The following MTUS2 variants were observed in gnomAD, a reference collection of about 807,000 sequenced individuals.
MTUS2 encodes the protein microtubule-associated tumor suppressor candidate 2.
Under a neutral mutation model 114.1 loss-of-function variants are expected in MTUS2, and 40 were observed. The observed-to-expected ratio is 0.35, with a 90% CI of 0.27 to 0.46. The LOEUF (loss-of-function observed/expected upper bound fraction) is 0.46. MTUS2 is among the 20% of genes least tolerant of loss of function. The pLI, the probability that MTUS2 is intolerant of heterozygous loss-of-function variation, is 1.00. For missense variants in MTUS2, 1,679 were observed against 1,705.4 expected (o/e 0.98, Z 0.27); for synonymous variants, 688 against 672.0 (o/e 1.02, Z -0.37).
intron 2 of MTUS2, among the ~76,000 whole-genome samples, chr13:28,889,138 C>A (rs1471942921): frequency 6.6e-6 from 1 of 152,032 alleles, no homozygotes; most frequent in Admixed American, 6.6e-5. Context: ...GTGACAGGTT[C>A]ATTGTTCATT....
At chr13:29,281,962 A>G in intron 6 of MTUS2, 97 bp downstream of exon 6, 1 of 1,304,360 alleles carries the variant, frequency 7.7e-7, no homozygotes, top group Non-Finnish European at 1.0e-6. Context: ...AGTTATTTAG[A>G]AGGGATGATT....
At chr13:28,835,516 A>G (rs865915218) in intron 1 of MTUS2, among the ~76,000 whole-genome samples, 46 of 152,186 alleles carry the variant, frequency 3.0e-4, no homozygotes, top group African/African-American at 9.9e-4. Context: ...GCTGTGGAGT[A>G]TCTGCTAATG....
chr13:29,308,747 C>T (rs866697713), intron 6 of MTUS2, among the ~76,000 whole-genome samples: 8 of 152,106 alleles, frequency 5.3e-5, no homozygotes, highest in South Asian at 2.1e-4. Context: ...CATTAACAGA[C>T]ACTTCTCAAA....
At chr13:29,027,222 T>C (rs1165868330) in intron 3 of MTUS2, among the ~76,000 whole-genome samples, 1 of 152,174 alleles carries the variant, frequency 6.6e-6, no homozygotes, top group Non-Finnish European at 1.5e-5. Context: ...GTGAATATAA[T>C]ATAATATAAG....
chr13:29,221,479 A>G (rs1269796866), intron 5 of MTUS2, among the ~76,000 whole-genome samples: 3 of 152,014 alleles, frequency 2.0e-5, no homozygotes, highest in African/African-American at 7.2e-5. Flanking sequence ...GCCTGAGTAC[A>G]TTTTTTATAT....
chr13:29,091,534 G>A (rs1248949970), intron 4 of MTUS2, among the ~76,000 whole-genome samples: 1 of 151,970 alleles, frequency 6.6e-6, no homozygotes. Flanking sequence ...TCTTTCATGA[G>A]CTTTTGCCCA....
At chr13:28,846,461 G>A (rs1009671403) in intron 2 of MTUS2, among the ~76,000 whole-genome samples, 1 of 152,174 alleles carries the variant, frequency 6.6e-6, no homozygotes, top group African/African-American at 2.4e-5. Context: ...AGTCCATCAA[G>A]TCAAAAGCTG....
intron 2 of MTUS2, among the ~76,000 whole-genome samples, chr13:28,981,877 G>A (rs1039389763): frequency 7.9e-5 from 12 of 152,160 alleles, no homozygotes; most frequent in Non-Finnish European, 1.2e-4. Flanking sequence ...GTGTCACCCC[G>A]AGGCTCAAGT....
chr13:29,475,183 G>T (rs1880604404), intron 9 of MTUS2, among the ~76,000 whole-genome samples: 1 of 152,106 alleles, frequency 6.6e-6, no homozygotes, highest in Admixed American at 6.5e-5. Context: ...TTATAATGCA[G>T]CTGAAAAATT....
At chr13:29,195,980 GTT>G (rs973575542) in intron 5 of MTUS2, among the ~76,000 whole-genome samples, 1 of 152,094 alleles carries the variant, frequency 6.6e-6, no homozygotes, top group Admixed American at 6.6e-5. Context: ...TCAAGTTTAT[GTT>G]TTAAAGAGAT....
At chr13:28,892,231 G>A (rs1449575426) in intron 2 of MTUS2, among the ~76,000 whole-genome samples, 5 of 152,166 alleles carry the variant, frequency 3.3e-5, no homozygotes, top group East Asian at 3.8e-4. Context: ...TAGTGAATGC[G>A]TGGGATGTAT....
chr13:29,320,320 G>C (rs939526604), intron 6 of MTUS2, among the ~76,000 whole-genome samples: 1 of 152,182 alleles, frequency 6.6e-6, no homozygotes, highest in Admixed American at 6.5e-5. Flanking sequence ...GAAGGCACCA[G>C]CCTGGCCGAC....
intron 8 of MTUS2, among the ~76,000 whole-genome samples, chr13:29,360,447 G>A (rs1169231292): frequency 2.6e-5 from 4 of 151,972 alleles, no homozygotes; most frequent in Non-Finnish European, 4.4e-5. Context: ...CTTTTTTGTT[G>A]TTATTATTTT....
intron 4 of MTUS2, among the ~76,000 whole-genome samples, chr13:29,041,661 C>T (rs546144926): frequency 1.3e-5 from 2 of 152,110 alleles, no homozygotes; most frequent in South Asian, 4.2e-4. Context: ...TCTTTCCCCT[C>T]TTTGGTTAGG....
At chr13:29,449,276 GT>G (rs1878514266) in intron 9 of MTUS2, among the ~76,000 whole-genome samples, 1 of 23,958 alleles carries the variant, frequency 4.2e-5, no homozygotes, top group Non-Finnish European at 8.8e-4. Flanking sequence ...TATTTATTAT[GT>G]TCTTAAGTTA....
At chr13:29,058,545 C>T (rs978821443) in intron 4 of MTUS2, among the ~76,000 whole-genome samples, 1 of 122,832 alleles carries the variant, frequency 8.1e-6, no homozygotes, top group Non-Finnish European at 1.8e-5. Context: ...CTCTGAGATT[C>T]TTTTCTCAGC....
At chr13:29,274,476 T>C (rs1897988169) in intron 5 of MTUS2, among the ~76,000 whole-genome samples, 1 of 152,132 alleles carries the variant, frequency 6.6e-6, no homozygotes, top group South Asian at 2.1e-4. Context: ...CATTTTATAC[T>C]CCCATAGCAA....
intron 6 of MTUS2, among the ~76,000 whole-genome samples, chr13:29,290,034 C>T (rs1286103902): frequency 6.6e-6 from 1 of 152,118 alleles, no homozygotes; most frequent in African/African-American, 2.4e-5. Flanking sequence ...AGAGGAAAAC[C>T]ATGTTGCCAT....
At chr13:28,823,535 TCCAC>T (rs1874055304) in intron 1 of MTUS2, among the ~76,000 whole-genome samples, 2 of 152,168 alleles carry the variant, frequency 1.3e-5, no homozygotes, top group African/African-American at 2.4e-5. Context: ...CTATCTACCA[TCCAC>T]CCACCCATCC....
Sources: allele counts gnomAD v4.1 joint callset (sites outside exome capture counted in the v4.1 genomes callset), GRCh38; gene constraint gnomAD v4.1.1; transcripts MANE v1.5; gene names NCBI Gene and HGNC (gene_info 2026-07-23, HGNC 2026-07-21).